TENM2: variants seen among roughly 807,000 people sequenced by gnomAD.
TENM2 encodes teneurin-2.
A neutral mutation model predicts 245.2 loss-of-function variants in TENM2; 52 were observed. The ratio of observed to expected loss-of-function variants is 0.21; its 90% CI spans 0.17 to 0.27. TENM2 has a LOEUF of 0.27. Ranked by LOEUF, TENM2 falls within the 10% of genes least tolerant of loss-of-function variation. TENM2 has a pLI of 1.00. For missense variants in TENM2, 3,046 were observed against 3,666.8 expected (o/e 0.83, Z 4.37); for synonymous variants, 1,363 against 1,438.9 (o/e 0.95, Z 1.19).
chr5:168,249,891 G>T (rs1419363714), intron 27 of TENM2, among the ~76,000 whole-genome samples: 1 of 152,034 alleles, frequency 6.6e-6, no homozygotes, highest in African/African-American at 2.4e-5. Context: ...AAAAGAAAAA[G>T]AAATTGGTGA....
At chr5:167,894,368 C>A (rs1318991977) in intron 3 of TENM2, among the ~76,000 whole-genome samples, 1 of 152,156 alleles carries the variant, frequency 6.6e-6, no homozygotes, top group East Asian at 1.9e-4. Flanking sequence ...TAGAATAAAA[C>A]CCAGATCGTT....
At chr5:167,714,999 C>T (rs1759165484) in intron 2 of TENM2, among the ~76,000 whole-genome samples, 1 of 152,178 alleles carries the variant, frequency 6.6e-6, no homozygotes, top group Non-Finnish European at 1.5e-5. Context: ...GGAATACTCT[C>T]TCTTTCTTGT....
chr5:168,127,118 C>T (rs1259407151), intron 12 of TENM2, among the ~76,000 whole-genome samples, 152 bp downstream of exon 14: 2 of 152,194 alleles, frequency 1.3e-5, no homozygotes, highest in African/African-American at 4.8e-5. Context: ...AATGAGGTCC[C>T]TAATTGGGAA....
intron 2 of TENM2, among the ~76,000 whole-genome samples, chr5:167,670,770 C>T (rs1582706715): frequency 6.6e-6 from 1 of 152,244 alleles, no homozygotes; most frequent in East Asian, 1.9e-4. Flanking sequence ...ATTACACATG[C>T]TGTTTTCAAC....
At chr5:167,020,789 A>C in the TENM2 span, among the ~76,000 whole-genome samples, 1 of 152,258 alleles carries the variant, frequency 6.6e-6, no homozygotes, top group Non-Finnish European at 1.5e-5. Context: ...AATATGCCTT[A>C]TTAATTGCAA....
chr5:167,385,492 T>C (rs1399282412), intron 2 of TENM2, among the ~76,000 whole-genome samples: 1 of 150,784 alleles, frequency 6.6e-6, no homozygotes, highest in East Asian at 2.0e-4. Context: ...GTGGGGTTTT[T>C]TTAGGTTTAA....
intron 2 of TENM2, among the ~76,000 whole-genome samples, chr5:167,466,236 C>G (rs1766642729): frequency 6.6e-6 from 1 of 152,180 alleles, no homozygotes; most frequent in South Asian, 2.1e-4. Context: ...CTGAATTCCT[C>G]CTCCTCCACT....
chr5:167,694,892 T>G (rs759956204), intron 2 of TENM2, among the ~76,000 whole-genome samples: 43 of 152,208 alleles, frequency 2.8e-4, no homozygotes, highest in Non-Finnish European at 5.6e-4. Context: ...ATTTTACACT[T>G]GAGTTGGTAC....
At chr5:167,268,926 A>G in the TENM2 span, among the ~76,000 whole-genome samples, 6,302 of 144,962 alleles carry the variant, frequency 0.043, 186 homozygotes, top group Admixed American at 0.093. Context: ...AGATAGATAG[A>G]TAGACAGACA....
At chr5:167,263,115 G>A in the TENM2 span, among the ~76,000 whole-genome samples, 2 of 152,134 alleles carry the variant, frequency 1.3e-5, no homozygotes, top group Admixed American at 6.6e-5. Context: ...AAGAATTTGG[G>A]AGGGGGTACA....
chr5:167,923,030 C>T (rs564750735), intron 3 of TENM2, among the ~76,000 whole-genome samples: 5 of 152,226 alleles, frequency 3.3e-5, no homozygotes, highest in Admixed American at 6.5e-5. Flanking sequence ...ATACTCTAAT[C>T]GAGGCCATGA....
At chr5:167,608,313 G>A (rs554909277) in intron 2 of TENM2, among the ~76,000 whole-genome samples, 2 of 152,266 alleles carry the variant, frequency 1.3e-5, no homozygotes, top group South Asian at 4.1e-4. Flanking sequence ...CTTGTAGCAG[G>A]CATCTCTCCA....
chr5:167,090,822 A>C, the TENM2 span, among the ~76,000 whole-genome samples: 1 of 152,202 alleles, frequency 6.6e-6, no homozygotes, highest in Non-Finnish European at 1.5e-5. Flanking sequence ...CATTTGAGTG[A>C]AAATACTTAA....
At chr5:167,537,239 C>G (rs1192750023) in intron 2 of TENM2, among the ~76,000 whole-genome samples, 1 of 118,828 alleles carries the variant, frequency 8.4e-6, no homozygotes, top group Non-Finnish European at 1.8e-5. Flanking sequence ...TAGTGAGACC[C>G]CCATCTCTAC....
the TENM2 span, among the ~76,000 whole-genome samples, chr5:167,049,452 G>A: frequency 9.2e-5 from 14 of 152,110 alleles, no homozygotes; most frequent in Non-Finnish European, 1.8e-4. Flanking sequence ...GTATTAATAT[G>A]TAATCATATG....
At chr5:167,107,579 T>C in the TENM2 span, among the ~76,000 whole-genome samples, 2 of 152,204 alleles carry the variant, frequency 1.3e-5, no homozygotes, top group African/African-American at 4.8e-5. Flanking sequence ...AGATGAACTT[T>C]GACAAATGAA....
intron 2 of TENM2, among the ~76,000 whole-genome samples, chr5:167,497,336 G>A (rs528075951): frequency 2.0e-5 from 3 of 152,206 alleles, no homozygotes; most frequent in Admixed American, 6.5e-5. Context: ...TGGCAGCAGC[G>A]TTTAATTTCT....
At chr5:167,917,212 C>T (rs1777018381) in intron 3 of TENM2, among the ~76,000 whole-genome samples, 2 of 152,196 alleles carry the variant, frequency 1.3e-5, no homozygotes, top group Admixed American at 1.3e-4. Flanking sequence ...AAGAGACTTG[C>T]TCACCAAACA....
chr5:167,345,046 T>C (rs114207169), intron 1 of TENM2, among the ~76,000 whole-genome samples: 1,567 of 152,302 alleles, frequency 0.01, 14 homozygotes, highest in Admixed American at 0.014. Context: ...CCTATTGCGT[T>C]GCTGATTAGA....
Sources: gnomAD v4.1 joint callset for allele counts (sites outside exome capture counted in the v4.1 genomes callset) on GRCh38, gnomAD v4.1.1 for gene constraint, MANE v1.5 for transcripts, NCBI Gene and HGNC (gene_info 2026-07-23, HGNC 2026-07-21) for gene names.